The following OPCML variants were observed in gnomAD, a reference collection of about 807,000 sequenced individuals.
The protein encoded by OPCML is opioid binding protein/cell adhesion molecule like, also known as opioid-binding protein/cell adhesion molecule.
A neutral mutation model predicts 37.8 loss-of-function variants in OPCML; 13 were observed. The observed-to-expected ratio is 0.34, with a 90% CI of 0.22 to 0.55. The LOEUF (loss-of-function observed/expected upper bound fraction) is 0.55. Ranked by LOEUF, OPCML falls within the 20% of genes least tolerant of loss-of-function variation. The pLI is 0.91. For synonymous variants in OPCML, 176 were observed against 168.8 expected (o/e 1.04, Z -0.33); for missense variants, 341 against 435.6 (o/e 0.78, Z 1.93).
chr11:132,897,972 G>A (rs776469284), intron 2 of OPCML, among the ~76,000 whole-genome samples: 5 of 152,188 alleles, frequency 3.3e-5, no homozygotes, highest in Non-Finnish European at 5.9e-5. Context: ...CAGGAGGGTA[G>A]GATGACCCAT....
At chr11:133,526,824 C>G (rs1948500970) in intron 1 of OPCML, among the ~76,000 whole-genome samples, 1 of 152,344 alleles carries the variant, frequency 6.6e-6, no homozygotes, top group South Asian at 2.1e-4. Context: ...AGGACCTAGC[C>G]CTGCACTGAG....
Position 133,482,836 on chromosome 11 carries a change from A to T in OPCML, c.61+49428T>A, listed in dbSNP as rs1591549036. 2.0e-5 allele frequency among the ~76,000 whole-genome samples: 3 copies of T among 152,344 alleles called. No individual in the cohort carries two copies. The South Asian group carries it at 6.2e-4, about 32-fold the overall frequency. ...CTGAGAATTCAACAGAAAAAAAAATAGAAGAATATCTTCATGACCTGGGGT... is the reference window on the plus strand; with the variant it reads ...CTGAGAATTCAACAGAAAAAAAAATTGAAGAATATCTTCATGACCTGGGGT... On this transcript the variant is annotated intron_variant, in intron 1 of 7. Transcript: ENST00000524381.
At chr11:132,738,374 TAAG>T (rs1417642459) in intron 2 of OPCML, among the ~76,000 whole-genome samples, 1 of 152,244 alleles carries the variant, frequency 6.6e-6, no homozygotes, top group Non-Finnish European at 1.5e-5. Flanking sequence ...TTCTTTGGTC[TAAG>T]AAGTTTAAAT....
chr11:132,524,416 G>A (rs1308718032), intron 4 of OPCML, among the ~76,000 whole-genome samples: 3 of 152,216 alleles, frequency 2.0e-5, no homozygotes, highest in Middle Eastern at 3.4e-3. Context: ...ATTTCCATAT[G>A]TGTGAAGGCT....
chr11:132,453,591 C>T (rs546350429), intron 4 of OPCML, among the ~76,000 whole-genome samples: 1 of 152,354 alleles, frequency 6.6e-6, no homozygotes, highest in African/African-American at 2.4e-5. Flanking sequence ...GAGGGTAAGA[C>T]TGATTACTCA....
chr11:133,085,046 A>T (rs1389832872), intron 1 of OPCML, among the ~76,000 whole-genome samples: 1 of 152,112 alleles, frequency 6.6e-6, no homozygotes, highest in Non-Finnish European at 1.5e-5. Context: ...TATCTCCTTC[A>T]CTTTCCGTTT....
chr11:133,063,433 CT>C (rs1478900258), intron 1 of OPCML, among the ~76,000 whole-genome samples: 1 of 152,212 alleles, frequency 6.6e-6, no homozygotes, highest in East Asian at 1.9e-4. Context: ...AGTGGTGTGC[CT>C]GCACTTCAGA....
chr11:133,232,023 A>G (rs12796255), intron 1 of OPCML, among the ~76,000 whole-genome samples: 20,513 of 152,046 alleles, frequency 0.13, 1,671 homozygotes, highest in East Asian at 0.38. Context: ...CTCAGGAAGG[A>G]CGAGGGAGAG....
At chr11:132,796,753 A>AT (rs1373814790) in intron 2 of OPCML, among the ~76,000 whole-genome samples, 42 of 151,012 alleles carry the variant, frequency 2.8e-4, no homozygotes. Context: ...AATTTTTTGT[A>AT]TTTTTTAGTA....
intron 2 of OPCML, among the ~76,000 whole-genome samples, chr11:132,839,276 T>C (rs1216097214): frequency 6.6e-6 from 1 of 152,104 alleles, no homozygotes; most frequent in Non-Finnish European, 1.5e-5. Context: ...TGAGCCCCAC[T>C]CACGGGCTGC....
At chr11:132,486,050 A>G (rs1480613695) in intron 4 of OPCML, among the ~76,000 whole-genome samples, 4 of 152,194 alleles carry the variant, frequency 2.6e-5, no homozygotes, top group Non-Finnish European at 5.9e-5. Flanking sequence ...CTCTTTGTCA[A>G]CACTTAGTAT....
chr11:133,261,342 G>C (rs576915256), intron 1 of OPCML, among the ~76,000 whole-genome samples: 1 of 152,296 alleles, frequency 6.6e-6, no homozygotes, highest in South Asian at 2.1e-4. Flanking sequence ...TTAGAGACTG[G>C]AATGTCTGTC....
rs565760577 is a variant in OPCML at position 133,058,573 on chromosome 11, G to C, written c.62-115563C>G. 5.9e-5 allele frequency among the ~76,000 whole-genome samples: 9 copies of C among 152,256 alleles called. No homozygotes were observed. The East Asian group carries it at 1.7e-3, about 29-fold the overall frequency. On this transcript the variant is annotated intron_variant, in intron 1 of 7. Transcript: ENST00000524381. ...TTTATGATGCACCTCCTAGAGCCTA[G>C]AGTATCAGAAAGCAGCTAGTCCCGC...
chr11:133,051,011 T>C (rs1021707075), intron 1 of OPCML, among the ~76,000 whole-genome samples: 1 of 151,898 alleles, frequency 6.6e-6, no homozygotes, highest in Non-Finnish European at 1.5e-5. Context: ...AAGAGATCCA[T>C]CTCAGACCAG....
At chr11:132,918,699 A>C (rs1944688852) in intron 2 of OPCML, among the ~76,000 whole-genome samples, 1 of 152,210 alleles carries the variant, frequency 6.6e-6, no homozygotes, top group Non-Finnish European at 1.5e-5. Context: ...AATCACCACC[A>C]ATCTTACCAG....
chr11:132,793,095 C>T (rs769112253), intron 2 of OPCML, among the ~76,000 whole-genome samples: 1 of 152,138 alleles, frequency 6.6e-6, no homozygotes, highest in Non-Finnish European at 1.5e-5. Context: ...CATCATTCTC[C>T]CCACTCCTCC....
chr11:132,488,177 G>A (rs1163991814), intron 4 of OPCML, among the ~76,000 whole-genome samples: 2 of 152,194 alleles, frequency 1.3e-5, no homozygotes, highest in African/African-American at 4.8e-5. Flanking sequence ...CTTCTAAGAG[G>A]CCTTGTGAAA....
chr11:133,370,943 G>T (rs1944661084), intron 1 of OPCML, among the ~76,000 whole-genome samples: 1 of 152,120 alleles, frequency 6.6e-6, no homozygotes, highest in Non-Finnish European at 1.5e-5. Flanking sequence ...CTAATATTCA[G>T]AATATACAAG....
chr11:133,215,152 G>T (rs1202074777), intron 1 of OPCML, among the ~76,000 whole-genome samples: 2 of 152,100 alleles, frequency 1.3e-5, no homozygotes, highest in African/African-American at 4.8e-5. Flanking sequence ...CTTCCTTCCA[G>T]GCTTATGGTT....
Sources: gnomAD v4.1 joint callset for allele counts (sites outside exome capture counted in the v4.1 genomes callset) on GRCh38, gnomAD v4.1.1 for gene constraint, MANE v1.5 for transcripts, NCBI Gene and HGNC (gene_info 2026-07-23, HGNC 2026-07-21) for gene names.